The following CCDC91 variants were observed in gnomAD, a reference collection of about 807,000 sequenced individuals.
The protein encoded by CCDC91 is coiled-coil domain containing 91, also known as coiled-coil domain-containing protein 91.
Under a neutral mutation model 63.2 loss-of-function variants are expected in CCDC91, and 48 were observed. The ratio of observed to expected loss-of-function variants is 0.76; its 90% CI spans 0.60 to 0.97. The LOEUF (loss-of-function observed/expected upper bound fraction) is 0.97, where lower values mean the gene tolerates loss of function less well. CCDC91 is among the 50% of genes least tolerant of loss of function. The probability of loss-of-function intolerance (pLI) is 0.00; values close to 1 mark genes in which losing one functional copy is unlikely to be tolerated. For synonymous variants in CCDC91, 167 were observed against 165.8 expected (o/e 1.01, Z -0.06); for missense variants, 500 against 494.6 (o/e 1.01, Z -0.10).
chr12:28,390,869 C>A (rs537215318), intron 7 of CCDC91, among the ~76,000 whole-genome samples: 2 of 151,586 alleles, frequency 1.3e-5, no homozygotes, highest in South Asian at 4.2e-4. Flanking sequence ...TACAGTGTGC[C>A]GAGAGGATGT....
At chr12:28,396,507 A>T (rs964476803) in intron 8 of CCDC91, among the ~76,000 whole-genome samples, 5 of 152,100 alleles carry the variant, frequency 3.3e-5, no homozygotes, top group African/African-American at 1.2e-4. Flanking sequence ...CCAAATGAGA[A>T]TGTTGGTAGC....
chr12:28,278,780 G>C (rs1948410437), intron 3 of CCDC91, among the ~76,000 whole-genome samples: 1 of 151,998 alleles, frequency 6.6e-6, no homozygotes, highest in African/African-American at 2.4e-5. Context: ...ATACAGACTT[G>C]GATATGAATC....
chr12:28,319,375 A>G (rs1422557674), intron 6 of CCDC91: 1 of 152,000 alleles, frequency 6.6e-6, no homozygotes, highest in East Asian at 1.9e-4. Context: ...GATTCTGCAT[A>G]AAGTCTTTTA....
chr12:28,267,857 ATATAATTAT>A (rs373657251), intron 3 of CCDC91, among the ~76,000 whole-genome samples: 12 of 40,136 alleles, frequency 3.0e-4, no homozygotes, highest in Non-Finnish European at 5.2e-4. Flanking sequence ...ATATAGTAAT[ATATAATTAT>A]ATATAATTAT....
intron 8 of CCDC91, among the ~76,000 whole-genome samples, chr12:28,418,509 C>T (rs1947811874): frequency 6.6e-6 from 1 of 152,036 alleles, no homozygotes; most frequent in Non-Finnish European, 1.5e-5. Context: ...AGACCATCTA[C>T]TCAAAATTAT....
At chr12:28,384,600 T>C (rs528306741) in intron 7 of CCDC91, among the ~76,000 whole-genome samples, 1 of 152,228 alleles carries the variant, frequency 6.6e-6, no homozygotes, top group African/African-American at 2.4e-5. Flanking sequence ...ACTAAATGAA[T>C]AATAAATGAA....
chr12:28,309,432 C>G (rs1939086261), intron 6 of CCDC91, among the ~76,000 whole-genome samples: 1 of 152,002 alleles, frequency 6.6e-6, no homozygotes. Flanking sequence ...TTATCTCTAA[C>G]CTAGTGCTTT....
chr12:28,335,980 A>G (rs78562805), intron 6 of CCDC91, among the ~76,000 whole-genome samples: 223 of 151,246 alleles, frequency 1.5e-3, no homozygotes, highest in African/African-American at 4.1e-3. Flanking sequence ...TTTTTTATCT[A>G]TAGCAGAGAT....
intron 6 of CCDC91, among the ~76,000 whole-genome samples, chr12:28,356,891 T>C (rs1215149293): frequency 6.6e-6 from 1 of 152,148 alleles, no homozygotes; most frequent in Non-Finnish European, 1.5e-5. Context: ...TAGTTGATCT[T>C]TGGAATTTCT....
chr12:28,338,085 A>T (rs1387144205), intron 6 of CCDC91, among the ~76,000 whole-genome samples: 1 of 152,170 alleles, frequency 6.6e-6, no homozygotes, highest in East Asian at 1.9e-4. Flanking sequence ...CAAATAGATG[A>T]ATTTGTAGTT....
intron 11 of CCDC91, among the ~76,000 whole-genome samples, chr12:28,467,505 T>C (rs1326896713): frequency 6.6e-6 from 1 of 151,872 alleles, no homozygotes; most frequent in Non-Finnish European, 1.5e-5. Flanking sequence ...TCCAGTAAAA[T>C]AGTAGCTGAA....
chr12:28,266,583 A>G lies in CCDC91; in HGVS notation c.109+7141A>G, dbSNP rs561000609. Among the ~76,000 whole-genome samples the G allele has an allele frequency of 1.8e-4, 27 of 152,038 alleles. No individual in the cohort carries two copies. The South Asian group carries it at 5.4e-3, about 30-fold the overall frequency. The stretch of plus-strand genomic sequence containing the variant: ...TGAAGAACTATAATTCTTAAGAGAA[A>G]CCTTGTCTTTTTCGGTATCTTTTAA... On this transcript the variant is annotated intron_variant, in intron 3 of 12. Coordinates refer to ENST00000536442, the MANE Select transcript of CCDC91 (RefSeq NM_018318.5).
chr12:28,232,991 AAT>A (rs1203974002), intron 1 of CCDC91, among the ~76,000 whole-genome samples: 4 of 151,802 alleles, frequency 2.6e-5, no homozygotes, highest in Admixed American at 6.6e-5. Context: ...AAAAAAAAAA[AAT>A]ATCATTACTG....
intron 7 of CCDC91, among the ~76,000 whole-genome samples, chr12:28,365,214 T>C (rs1283293252): frequency 1.3e-5 from 2 of 152,214 alleles, no homozygotes; most frequent in Non-Finnish European, 2.9e-5. Context: ...TGGACAAATA[T>C]GTAAAATGAG....
chr12:28,476,759 T>C (rs950503066), intron 11 of CCDC91, among the ~76,000 whole-genome samples: 55 of 151,780 alleles, frequency 3.6e-4, no homozygotes, highest in African/African-American at 1.3e-3. Flanking sequence ...AATAATCAAA[T>C]AGATGCAATA....
intron 6 of CCDC91, among the ~76,000 whole-genome samples, chr12:28,326,904 G>A (rs544245416): frequency 1.8e-4 from 27 of 152,080 alleles, no homozygotes; most frequent in Non-Finnish European, 3.1e-4. Flanking sequence ...GGTTTTATTC[G>A]ATGCAATAGA....
chr12:28,335,416 A>T (rs942822595), intron 6 of CCDC91, among the ~76,000 whole-genome samples: 5 of 141,452 alleles, frequency 3.5e-5, no homozygotes, highest in East Asian at 4.0e-4. Context: ...AATATATAAA[A>T]ATACATATAT....
chr12:28,368,751 C>G (rs1944428295), intron 7 of CCDC91, among the ~76,000 whole-genome samples: 1 of 152,100 alleles, frequency 6.6e-6, no homozygotes, highest in South Asian at 2.1e-4. Context: ...CCTCACAGTT[C>G]TGCCTGGCTT....
chr12:28,245,758 T>C (rs980218901), intron 1 of CCDC91, among the ~76,000 whole-genome samples: 8 of 152,148 alleles, frequency 5.3e-5, no homozygotes, highest in Admixed American at 4.6e-4. Flanking sequence ...TCAAATTAAG[T>C]ACAAAATGAG....
Sources: allele counts gnomAD v4.1 joint callset (sites outside exome capture counted in the v4.1 genomes callset), GRCh38; gene constraint gnomAD v4.1.1; transcripts MANE v1.5; gene names NCBI Gene and HGNC (gene_info 2026-07-23, HGNC 2026-07-21).